The following SASH1 variants were observed in gnomAD, a reference collection of about 807,000 sequenced individuals.
SASH1 encodes SAM and SH3 domain containing 1.
SASH1 carries 44 observed loss-of-function variants against 125.2 expected under a neutral mutation model. The observed-to-expected ratio is 0.35, with a 90% CI of 0.28 to 0.45. SASH1 has a LOEUF of 0.45. Ranked by LOEUF, SASH1 falls within the 20% of genes least tolerant of loss-of-function variation. The probability of loss-of-function intolerance (pLI) is 1.00; values close to 1 mark genes in which losing one functional copy is unlikely to be tolerated. For missense variants in SASH1, 1,426 were observed against 1,614.5 expected (o/e 0.88, Z 2.00); for synonymous variants, 639 against 649.1 (o/e 0.98, Z 0.24).
Position 148,545,173 on chromosome 6 carries a change from C to T in SASH1, c.3348+355C>T, listed in dbSNP as rs771994009. Among the ~76,000 whole-genome samples the T allele has an allele frequency of 2.0e-5, 3 of 152,086 alleles. No individual in the cohort carries two copies. The South Asian group carries it at 6.2e-4, about 32-fold the overall frequency. ...GGGAAAAAGATAATATAAAATCCCCCATTGTACCAAAAACATTTAGCTGTA... is the reference window on the plus strand; with the variant it reads ...GGGAAAAAGATAATATAAAATCCCCTATTGTACCAAAAACATTTAGCTGTA... On this transcript the variant is annotated intron_variant, in intron 18 of 19. Transcript: ENST00000367467.
At chr6:148,207,810 G>A in the SASH1 span, among the ~76,000 whole-genome samples, 10 of 152,140 alleles carry the variant, frequency 6.6e-5, no homozygotes, top group South Asian at 2.1e-4. Flanking sequence ...AGTGTAAGCC[G>A]TCTGCTCAGT....
chr6:148,222,174 A>G, the SASH1 span, among the ~76,000 whole-genome samples: 2 of 152,158 alleles, frequency 1.3e-5, no homozygotes, highest in African/African-American at 4.8e-5. Context: ...TTCCCATGCA[A>G]TGGAGCCCCT....
At chr6:148,491,518 C>T (rs1779110423) in intron 8 of SASH1, among the ~76,000 whole-genome samples, 1 of 152,192 alleles carries the variant, frequency 6.6e-6, no homozygotes, top group Non-Finnish European at 1.5e-5. Flanking sequence ...GATTCACCCG[C>T]CTCGGCCTAC....
intron 1 of SASH1, among the ~76,000 whole-genome samples, chr6:148,316,500 A>C (rs190962655): frequency 6.6e-6 from 1 of 152,358 alleles, no homozygotes; most frequent in Admixed American, 6.5e-5. Flanking sequence ...TTGACTTCGA[A>C]CAGCACACGG....
chr6:148,249,723 A>G, the SASH1 span, among the ~76,000 whole-genome samples: 3 of 152,192 alleles, frequency 2.0e-5, no homozygotes. Context: ...CTTTATGTAC[A>G]TTACCCTGTT....
At chr6:148,342,375 A>G (rs1295049945), upstream of SASH1, among the ~76,000 whole-genome samples, 1 of 152,032 alleles carries the variant, frequency 6.6e-6, no homozygotes, top group African/African-American at 2.4e-5. Context: ...TTAAAGATTA[A>G]CTTTCTCGGG....
intron 1 of SASH1, among the ~76,000 whole-genome samples, chr6:148,382,124 A>T (rs1404987722): frequency 1.4e-5 from 2 of 139,798 alleles, no homozygotes; most frequent in East Asian, 2.0e-4. Flanking sequence ...AATCAGCAGC[A>T]TATTTTTTTG....
chr6:148,417,719 G>GT (rs34971331), intron 2 of SASH1, among the ~76,000 whole-genome samples: 2,487 of 151,764 alleles, frequency 0.016, 25 homozygotes, highest in Non-Finnish European at 0.024. Context: ...TTCCTCATTG[G>GT]TTTTTTTTAA....
At position 148,529,362 on chromosome 6, in the gene SASH1, A is replaced by G. The variant is rs1226910961; in HGVS notation, c.1428+1766A>G. Among the ~76,000 whole-genome samples the G allele has an allele frequency of 1.5e-4, 23 of 152,218 alleles. No homozygotes were observed. The highest frequency in any genetic ancestry group is 1.5e-3 in the Admixed American group (23 of 15,290). ...GTGGCTTGTTAGACCTGCAGGAGAT[A>G]GATGTCTGGACTGCCTTCAGCATGT... is the stretch of plus-strand genomic sequence containing the variant. On this transcript the variant is annotated intron_variant, in intron 12 of 19. Transcript: ENST00000367467. The surrounding 1 kb of genome is among the most constrained non-coding windows in gnomAD (Gnocchi z 4.2).
intron 1 of SASH1, among the ~76,000 whole-genome samples, chr6:148,333,565 G>A (rs924799114): frequency 1.3e-4 from 20 of 151,502 alleles, no homozygotes; most frequent in African/African-American, 4.8e-4. Context: ...TATCGTTGTC[G>A]CTGTTGTTGT....
chr6:148,362,520 C>T (rs1782276414), intron 1 of SASH1, among the ~76,000 whole-genome samples: 1 of 151,510 alleles, frequency 6.6e-6, no homozygotes, highest in South Asian at 2.1e-4. Flanking sequence ...GTTTTCTCCC[C>T]TTTCCTGCTT....
At position 148,519,731 on chromosome 6, in the gene SASH1, G is replaced by A. The variant is rs760897219; in HGVS notation, c.1047G>A (p.Lys349=). ...SSLDTWGAGR[K]LVKTFSKGES... is the part of the protein sequence containing the mutation. ...TGGACACCTGGGGGGCTGGCCGGAA[G>A]TTGGTCAAAACCTTCAGCAAAGGAG... The change falls in exon 10 of 20, where the codon AAG becomes AAA. Residue 349 remains lysine (K), a synonymous_variant. Coordinates refer to ENST00000367467, the MANE Select transcript of SASH1 (RefSeq NM_015278.5). This position sits in a 1 kb window ranked among gnomAD's most constrained non-coding sequence, Gnocchi z 4.8. The A allele has an allele frequency of 6.8e-6, 11 of 1,614,036 alleles. No homozygotes were observed. The highest frequency in any genetic ancestry group is 1.3e-5 in the African/African-American group (1 of 74,910).
At chr6:148,523,595 C>G (rs1780945272) in intron 10 of SASH1, among the ~76,000 whole-genome samples, 1 of 152,170 alleles carries the variant, frequency 6.6e-6, no homozygotes, top group Admixed American at 6.5e-5. Flanking sequence ...AAGAACAGCT[C>G]TGAGACCTCC....
chr6:148,485,277 G>T (rs894195420), intron 7 of SASH1, among the ~76,000 whole-genome samples: 1 of 152,024 alleles, frequency 6.6e-6, no homozygotes, highest in Non-Finnish European at 1.5e-5. Context: ...GCATTTCACA[G>T]GCCAATATAT....
chr6:148,534,730 TCTTC>T lies in SASH1; in HGVS notation c.1945-16_1945-13del. On this transcript the variant is annotated splice_polypyrimidine_tract_variant and intron_variant, in intron 15 of 19. Transcript: ENST00000367467. ...GTCTGGGCTGGCTGACACCCTTCTG[TCTTC>T]CTTCTCCCTCTCACAGGAGCACATG... 2.5e-6 allele frequency: 4 copies of T among 1,614,058 alleles called. No individual in the cohort carries two copies. The highest frequency in any genetic ancestry group is 3.4e-6 in the Non-Finnish European group (4 of 1,179,962).
At position 148,343,166 on chromosome 6, in the gene SASH1, G is replaced by C. The variant is rs773161054; in HGVS notation, c.99G>C (p.Pro33=). ...CGGAGCCGGAACCGGAGCCCAAGCCGGGTGCTGGCACATCCGAGGCGTTCT... is the reference window on the plus strand; with the variant it reads ...CGGAGCCGGAACCGGAGCCCAAGCCCGGTGCTGGCACATCCGAGGCGTTCT... ...PAPEPEPEPK[P]GAGTSEAFSR... is the part of the protein sequence containing the mutation. The change falls in exon 1 of 20, where the codon CCG becomes CCC. Residue 33 remains proline (P), a synonymous_variant. Coordinates refer to ENST00000367467, the MANE Select transcript of SASH1 (RefSeq NM_015278.5). 1.2e-5 allele frequency: 19 copies of C among 1,600,074 alleles called. No homozygotes were observed. The highest frequency in any genetic ancestry group is 4.4e-5 in the South Asian group (4 of 90,878).
chr6:148,543,525 C>CA (rs1206273098), intron 17 of SASH1, among the ~76,000 whole-genome samples, 155 bp from the exon 18 acceptor site: 8 of 152,282 alleles, frequency 5.3e-5, no homozygotes, highest in African/African-American at 1.9e-4. Context: ...AACCCTCTAT[C>CA]ACCCGATGTC....
intron 12 of SASH1, 71 bp downstream of exon 12, chr6:148,527,667 G>A: frequency 6.9e-7 from 1 of 1,446,156 alleles, no homozygotes; most frequent in South Asian, 1.2e-5. Context: ...GCCCTTCTGA[G>A]ATTTTAAATG....
intron 1 of SASH1, among the ~76,000 whole-genome samples, chr6:148,311,415 A>T (rs7751935): frequency 6.6e-6 from 1 of 152,154 alleles, no homozygotes; most frequent in Non-Finnish European, 1.5e-5. Context: ...CCACACCTAA[A>T]TTTCTAATAA....
Sources: allele counts gnomAD v4.1 joint callset (sites outside exome capture counted in the v4.1 genomes callset), GRCh38; gene constraint gnomAD v4.1.1; non-coding constraint Gnocchi (gnomAD v3.1); transcripts MANE v1.5; gene names NCBI Gene and HGNC (gene_info 2026-07-23, HGNC 2026-07-21).